The following MAP1LC3C variants were observed in gnomAD, a reference collection of about 807,000 sequenced individuals.
The protein encoded by MAP1LC3C is microtubule-associated protein 1 light chain 3 gamma.
In MAP1LC3C, 12 loss-of-function variants were observed where a neutral mutation model predicts 10.4. The observed-to-expected ratio is 1.15, with a 90% confidence interval of 0.74 to 1.86. The LOEUF is 1.86. MAP1LC3C is among the 40% of genes most tolerant of loss of function. MAP1LC3C has a pLI of 0.00. For missense variants in MAP1LC3C, 177 were observed against 185.7 expected, an observed-to-expected ratio of 0.95 and a Z score of 0.27; for synonymous variants, 70 against 69.0, an observed-to-expected ratio of 1.01 and a Z score of -0.07.
In MAP1LC3C at chr1:241,998,021, C is replaced by CTTTTTTTTTTTT. The variant is rs58237405; in HGVS notation, c.221+481_221+492dup. ...CTTACCTGTTTAAAATAGAGTAATT[C>CTTTTTTTTTTTT]TTTTTTTTTTTTTTTTTTTTTTGAG... is the stretch of plus-strand genomic sequence containing the variant. On this transcript the variant is annotated intron_variant, in intron 3 of 3. Transcript: ENST00000357246. Among the ~76,000 whole-genome samples the CTTTTTTTTTTTT allele has an allele frequency of 9.2e-4, 88 of 95,408 alleles. 7 individuals carry two copies. Among genetic ancestry groups the CTTTTTTTTTTTT allele is most frequent in the East Asian group, 1.6e-3 (5 of 3,048 alleles). 62.6% of individuals were successfully genotyped at this position (95,408 alleles called of 152,430 possible).
At chr1:241,998,751 C>A (rs1429646973) in intron 2 of MAP1LC3C, 25 bp downstream of exon 2, 1 of 1,614,144 alleles carries the variant, frequency 6.2e-7, no homozygotes, top group South Asian at 1.1e-5. Flanking sequence ...CCACGCCCCC[C>A]AGCGGAAGTC....
intron 2 of MAP1LC3C, 48 bp from the exon 3 acceptor site, chr1:241,998,668 G>C: frequency 6.2e-7 from 1 of 1,607,908 alleles, no homozygotes; most frequent in South Asian, 1.1e-5. Flanking sequence ...GTGAGTGTTA[G>C]GAACTTGGAA....
At chr1:241,997,903 G>T (rs972543631) in intron 3 of MAP1LC3C, among the ~76,000 whole-genome samples, 8 of 152,082 alleles carry the variant, frequency 5.3e-5, no homozygotes, top group Admixed American at 5.2e-4. Context: ...AGGATCTCCC[G>T]GCCTAGCTTG....
In MAP1LC3C at chr1:241,998,965, T is replaced by C; in HGVS notation, c.44A>G (p.Gln15Arg). 1.2e-6 allele frequency: 2 copies of C among 1,612,540 alleles called. No individual in the cohort carries two copies. Among genetic ancestry groups the C allele is most frequent in the Non-Finnish European group, 1.7e-6 (2 of 1,179,718 alleles). Residue 15 changes from glutamine (Q) to arginine (R), a missense_variant, in exon 1 of 4, where the codon CAG becomes CGG. Gln to Arg is a conservative substitution (Grantham distance 43). Transcript: ENST00000357246. ...AAGAAATTTACCCAAGCTTTTCCTC[T>C]GCTTGAAGGGTCTGACGCTTGGGAT... is the stretch of plus-strand genomic sequence containing the variant. The part of the protein sequence containing the change: ...QKIPSVRPFK[Q>R]RKSLAIRQEE...
chr1:242,000,427 C>T (rs530056988), upstream of MAP1LC3C, among the ~76,000 whole-genome samples: 2 of 152,212 alleles, frequency 1.3e-5, no homozygotes, highest in East Asian at 3.9e-4. Flanking sequence ...GGGGGTTTCG[C>T]CATGTTGGCT....
At chr1:242,001,328 A>T (rs1006596335), upstream of MAP1LC3C, among the ~76,000 whole-genome samples, 1 of 151,824 alleles carries the variant, frequency 6.6e-6, no homozygotes, top group Non-Finnish European at 1.5e-5. Flanking sequence ...AATTCCAAGG[A>T]TTCCACCAGG....
At chr1:241,998,060 CTTG>C (rs1321455273) in intron 3 of MAP1LC3C, among the ~76,000 whole-genome samples, 1 of 112,648 alleles carries the variant, frequency 8.9e-6, no homozygotes, top group Non-Finnish European at 1.7e-5. Flanking sequence ...GAGTTTCACT[CTTG>C]TTGCCCAGGA....
intron 3 of MAP1LC3C, among the ~76,000 whole-genome samples, chr1:241,997,001 TG>T (rs778151052): frequency 9.6e-4 from 142 of 147,744 alleles, no homozygotes; most frequent in Middle Eastern, 3.6e-3. Context: ...TTTTTTTTTT[TG>T]ATTCCCCTGC....
chr1:241,998,696 T>C, intron 2 of MAP1LC3C, 76 bp from the exon 3 acceptor site: 1 of 1,609,748 alleles, frequency 6.2e-7, no homozygotes, highest in Non-Finnish European at 8.5e-7. Flanking sequence ...AGGGAAGCTG[T>C]TGGCTGCTCT....
intron 3 of MAP1LC3C, among the ~76,000 whole-genome samples, chr1:241,997,100 T>C (rs1296341355): frequency 6.6e-6 from 1 of 151,660 alleles, no homozygotes; most frequent in Non-Finnish European, 1.5e-5. Context: ...GGTTTTGCCA[T>C]GTTGGCCAGG....
At chr1:241,998,147 C>G (rs1024335677) in intron 3 of MAP1LC3C, among the ~76,000 whole-genome samples, 8 of 150,748 alleles carry the variant, frequency 5.3e-5, no homozygotes, top group East Asian at 2.0e-4. Flanking sequence ...CTCAGCCTCC[C>G]AAGTAGCTAG....
At chr1:241,998,175 A>G (rs1665125603) in intron 3 of MAP1LC3C, among the ~76,000 whole-genome samples, 2 of 151,784 alleles carry the variant, frequency 1.3e-5, no homozygotes, top group Non-Finnish European at 2.9e-5. Context: ...GGCACCCGCC[A>G]CCACGCCTAG....
rs779528763 is a variant in MAP1LC3C, at chr1:241,998,821, T to C, written c.69A>G (p.Gln23=). The change falls in exon 2 of 4, where the codon CAA becomes CAG. Residue 23 remains glutamine (Q), a synonymous_variant. Coordinates refer to ENST00000357246, the MANE Select transcript of MAP1LC3C (RefSeq NM_001004343.3). The part of the protein sequence containing the change: ...FKQRKSLAIR[Q]EEVAGIRAKF... ...TTGCCCGGATTCCAGCAACTTCCTC[T>C]TGTCTGATTGCTGTGAATATTTCAA... 1.9e-6 allele frequency: 3 copies of C among 1,613,834 alleles called. No individual in the cohort carries two copies. The highest frequency in any genetic ancestry group is 2.5e-6 in the Non-Finnish European group (3 of 1,179,996).
At chr1:241,997,748 G>C (rs910256487) in intron 3 of MAP1LC3C, among the ~76,000 whole-genome samples, 1 of 152,082 alleles carries the variant, frequency 6.6e-6, no homozygotes, top group Non-Finnish European at 1.5e-5. Context: ...AGTGTGTTTG[G>C]GGGATGCTTT....
At position 241,995,989 on chromosome 1, in the gene MAP1LC3C, A is replaced by G. The variant is rs1001766483; in HGVS notation, c.*174T>C. ...ATTTTTCTTAGAAGGACACAAGAAC[A>G]CGGAGCACAAAAACTAAACTAGGAA... On this transcript the variant is annotated 3_prime_UTR_variant, in exon 4 of 4. Transcript: ENST00000357246. 12 of 536,420 alleles carry G rather than the reference A, an allele frequency of 2.2e-5. No individual in the cohort carries two copies. The highest frequency in any genetic ancestry group is 1.9e-4 in the African/African-American group (10 of 53,436). 33.2% of individuals were successfully genotyped at this position (536,420 alleles called of 1,614,324 possible).
chr1:241,996,909 C>CAAAAAAAAAAAAAAAAAAAAAAAA, intron 3 of MAP1LC3C, among the ~76,000 whole-genome samples: 8 of 42,774 alleles, frequency 1.9e-4, no homozygotes, highest in Admixed American at 3.2e-4. Flanking sequence ...GACTGCGTCT[C>CAAAAAAAAAAAAAAAAAAAAAAAA]AAAAAAAAAA....
At chr1:241,996,686 G>T (rs1665091234) in intron 3 of MAP1LC3C, among the ~76,000 whole-genome samples, 1 of 151,934 alleles carries the variant, frequency 6.6e-6, no homozygotes, top group African/African-American at 2.4e-5. Flanking sequence ...ACTTTGGGAA[G>T]CTGAGGCAGG....
chr1:241,995,991 G>A lies in MAP1LC3C; in HGVS notation c.*172C>T, dbSNP rs186891260. 2.2e-4 allele frequency: 118 copies of A among 531,320 alleles called. No homozygotes were observed. In the Admixed American group the frequency reaches 2.7e-3, roughly 12 times the overall value. The allele number at this position is 531,320 out of a possible 1,614,324, so 32.9% of individuals were successfully genotyped here. On this transcript the variant is annotated 3_prime_UTR_variant, in exon 4 of 4. Coordinates refer to ENST00000357246, the MANE Select transcript of MAP1LC3C (RefSeq NM_001004343.3). ...TTTTCTTAGAAGGACACAAGAACACGGAGCACAAAAACTAAACTAGGAAGA... is the reference window on the plus strand; with the variant it reads ...TTTTCTTAGAAGGACACAAGAACACAGAGCACAAAAACTAAACTAGGAAGA...
chr1:241,999,451 C>T (rs1247826443), upstream of MAP1LC3C, among the ~76,000 whole-genome samples: 1 of 152,064 alleles, frequency 6.6e-6, no homozygotes, highest in Non-Finnish European at 1.5e-5. Context: ...TGGTCCATGC[C>T]CTTTATCACA....
Sources: allele counts gnomAD v4.1 joint callset (sites outside exome capture counted in the v4.1 genomes callset), GRCh38; gene constraint gnomAD v4.1.1; transcripts MANE v1.5; gene names NCBI Gene and HGNC (gene_info 2026-07-23, HGNC 2026-07-21).